The following TTN variants were observed in gnomAD, a reference collection of about 807,000 sequenced individuals.
The protein encoded by TTN is titin, also known as connectin.
In TTN, 1,525 loss-of-function variants were observed where a neutral mutation model predicts 3,223.0. The observed-to-expected ratio is 0.47, with a 90% CI of 0.45 to 0.49. The LOEUF (loss-of-function observed/expected upper bound fraction) is 0.49, where lower values mean the gene tolerates loss of function less well. Among genes scored for constraint, TTN ranks in the 20% least tolerant of loss-of-function variants. The pLI is 0.00. For missense variants in TTN, 40,786 were observed against 43,424.0 expected (o/e 0.94, Z 5.40); for synonymous variants, 14,094 against 15,161.0 (o/e 0.93, Z 5.17).
chr2:178,701,336 A>C (rs2074945418), intron 110 of TTN, 133 bp from the exon 111 acceptor site: 1 of 1,031,150 alleles, frequency 9.7e-7, no homozygotes. Context: ...GAACAAATAA[A>C]AGTAGCATTT....
chr2:178,764,422 A>G (rs2089989558), intron 42 of TTN, 105 bp downstream of exon 42: 4 of 1,609,522 alleles, frequency 2.5e-6, no homozygotes, highest in Non-Finnish European at 2.5e-6. Context: ...TTGGGTAGCA[A>G]TCTACTTTTA....
At chr2:178,536,887 G>T in intron 356 of TTN, 51 bp downstream of exon 356, 1 of 1,453,274 alleles carries the variant, frequency 6.9e-7, no homozygotes, top group Non-Finnish European at 9.2e-7. Context: ...AGAATTTTAT[G>T]CAAAGATGGA....
chr2:178,774,012 C>T lies in TTN; in HGVS notation c.7156G>A (p.Gly2386Ser), dbSNP rs777101912. 1.2e-5 allele frequency: 20 copies of T among 1,613,970 alleles called. No homozygotes were observed. The East Asian group carries it at 4.2e-4, about 34-fold the overall frequency. Reference sequence around the variant, plus strand: ...TCTTGGCCGTCTTTCATCCAGACGCCTTCCACACTTTCCAAGGAGACTTTA... The same window carrying T: ...TCTTGGCCGTCTTTCATCCAGACGCTTTCCACACTTTCCAAGGAGACTTTA... Reference protein sequence around the residue: ...EVKVSLESVEGVWMKDGQEVQ... With the variant: ...EVKVSLESVESVWMKDGQEVQ... Residue 2386 changes from glycine (G) to serine (S), a missense_variant, in exon 31 of 363, where the codon GGC (glycine) becomes AGC (serine). By Grantham distance (56) the Gly-to-Ser change is moderately conservative. Transcript: ENST00000589042.
chr2:178,598,066 GA>G lies in TTN; in HGVS notation c.57112-9del. 6.2e-7 allele frequency: 1 copy of G among 1,608,996 alleles called. No individual in the cohort carries two copies. The highest frequency in any genetic ancestry group is 1.3e-5 in the African/African-American group (1 of 74,694). The stretch of plus-strand genomic sequence containing the variant: ...CACTTCTTTATCTTTACCCTGGGGA[GA>G]AATCATAGACATTTTATAATTAGAA... On this transcript the variant is annotated splice_polypyrimidine_tract_variant and intron_variant, in intron 292 of 362. Transcript: ENST00000589042.
At chr2:178,785,158 AC>A (rs1450720797) in intron 15 of TTN, among the ~76,000 whole-genome samples, 1 of 152,096 alleles carries the variant, frequency 6.6e-6, no homozygotes, top group Admixed American at 6.5e-5. Context: ...ACCATACAGT[AC>A]CACCTCTCCA....
At chr2:178,652,075 T>C (rs751896183) in intron 204 of TTN, 21 bp downstream of exon 204, 2 of 1,613,148 alleles carry the variant, frequency 1.2e-6, no homozygotes, top group East Asian at 2.2e-5. Context: ...AAAACACTAA[T>C]TTGAATAGTT....
chr2:178,745,767 C>A (rs1470537317), intron 47 of TTN: 1 of 1,612,902 alleles, frequency 6.2e-7, no homozygotes, highest in East Asian at 2.2e-5. Context: ...TACCAGTAAA[C>A]CGTGGGTCTT....
chr2:178,564,569 G>A lies in TTN; in HGVS notation c.81563C>T (p.Thr27188Ile). The change falls in exon 326 of 363, where the codon ACA (threonine) becomes ATA (isoleucine). Residue 27188 changes from threonine to isoleucine, a missense_variant. Transcript: ENST00000589042. ...EAIVITRNNV[T>I]LKWKKPAYDG... is the part of the protein sequence containing the mutation. ...ATAGGCAGGTTTCTTCCATTTCAGT[G>A]TGACATTGTTTCTTGTAATAACAAT... 1.2e-6 allele frequency: 2 copies of A among 1,613,398 alleles called. No individual in the cohort carries two copies. Among genetic ancestry groups the A allele is most frequent in the Non-Finnish European group, 1.7e-6 (2 of 1,179,672 alleles).
rs548285460 is a variant in TTN at position 178,619,747 on chromosome 2, T to C, written c.46570A>G (p.Lys15524Glu). The C allele has an allele frequency of 6.2e-7, 1 of 1,612,486 alleles. No individual in the cohort carries two copies. The highest frequency in any genetic ancestry group is 1.3e-5 in the African/African-American group (1 of 74,908). The change falls in exon 250 of 363, where the codon AAA becomes GAA. Residue 15524 changes from lysine (K) to glutamate (E), a missense_variant. Lys to Glu is a moderately conservative substitution (Grantham distance 56, BLOSUM62 1). Transcript: ENST00000589042. ...TTTCCTTCACTCATCATCTGGTGTTTATCACCCTGGACAACAACCATGTTA... is the reference window on the plus strand; with the variant it reads ...TTTCCTTCACTCATCATCTGGTGTTCATCACCCTGGACAACAACCATGTTA... ...RNNMVVVQGD[K>E]HQMMSEGKIH...
intron 49 of TTN, 110 bp from the exon 50 acceptor site, chr2:178,736,184 G>A (rs1472751756): frequency 1.2e-5 from 12 of 983,280 alleles, no homozygotes; most frequent in Admixed American, 1.2e-4. Context: ...ATAGACATGA[G>A]CCATAATTTA....
intron 304 of TTN, 151 bp downstream of exon 304, chr2:178,588,387 G>A: frequency 8.7e-7 from 1 of 1,146,714 alleles, no homozygotes; most frequent in South Asian, 2.0e-5. Context: ...GTACCTTTTA[G>A]GTATTTTGGT....
In TTN at chr2:178,587,516, C is replaced by T. The variant is rs794729474; in HGVS notation, c.63793G>A (p.Asp21265Asn). Reference sequence around the variant, plus strand: ...AGGGAGAAGCATTTTAGTAACCCACCTAATACTCTGACATTTACGAATACA... The same window carrying T: ...AGGGAGAAGCATTTTAGTAACCCACTTAATACTCTGACATTTACGAATACA... ...KAVFVNVRVL[D>N]TPGPVSDLKV... is the part of the protein sequence containing the mutation. Residue 21265 changes from aspartate (D) to asparagine (N), a missense_variant and splice_region_variant, in exon 306 of 363, where the codon GAC (aspartate) becomes AAC (asparagine). Physicochemically the swap from Asp to Asn is conservative, Grantham distance 23. Transcript: ENST00000589042. The T allele has an allele frequency of 7.0e-5, 112 of 1,608,926 alleles. No individual in the cohort carries two copies. The highest frequency in any genetic ancestry group is 9.3e-5 in the Non-Finnish European group (110 of 1,177,382).
intron 49 of TTN, among the ~76,000 whole-genome samples, chr2:178,736,927 G>A (rs544325220): frequency 3.3e-4 from 50 of 152,220 alleles, no homozygotes; most frequent in African/African-American, 1.2e-3. Flanking sequence ...TCACATTCAA[G>A]AGATGTGCTG....
At chr2:178,651,122 T>G in intron 208 of TTN, 121 bp downstream of exon 208, 1 of 807,794 alleles carries the variant, frequency 1.2e-6, no homozygotes, top group Non-Finnish European at 2.0e-6. Context: ...ACCCTAAAAA[T>G]CCAGAATGAC....
At chr2:178,671,295 C>A in intron 155 of TTN, 125 bp from the exon 156 acceptor site, 1 of 606,226 alleles carries the variant, frequency 1.6e-6, no homozygotes, top group South Asian at 2.8e-5. Flanking sequence ...TTATAACACA[C>A]TTATTTCCAA....
rs2060144688 is a variant in TTN, at chr2:178,634,238, G to C, written c.42415+128C>G. On this transcript the variant is annotated intron_variant, in intron 230 of 362. Coordinates refer to ENST00000589042, the MANE Select transcript of TTN (RefSeq NM_001267550.2). The surrounding 1 kb of genome is among the most constrained non-coding windows in gnomAD (Gnocchi z 4.6). ...CACTAAAAACAAATTAAGGGGGGTT[G>C]TTTTGGTAACACTGTGAAAGTTAAT... The C allele has an allele frequency of 6.7e-7, 1 of 1,482,290 alleles. No homozygotes were observed. The highest frequency in any genetic ancestry group is 1.4e-5 in the African/African-American group (1 of 70,376). The allele number at this position is 1,482,290 out of a possible 1,614,324, so 91.8% of individuals were successfully genotyped here. A position where few individuals can be genotyped will look rare whatever the true frequency, so the allele number is the denominator to read the frequency against.
chr2:178,618,417 G>T lies in TTN; in HGVS notation c.47041C>A (p.Pro15681Thr). The stretch of plus-strand genomic sequence containing the variant: ...ATTTTGCTTCCACCATCAGTTAAAG[G>T]TTCTTCCCAAGCAAGGCTCACTTCA... ...DGEVSLAWEE[P>T]LTDGGSKIIG... The change falls in exon 252 of 363, where the codon CCT becomes ACT. Residue 15681 changes from proline (P) to threonine (T), a missense_variant. Pro to Thr is a conservative substitution (Grantham distance 38). Coordinates refer to ENST00000589042, the MANE Select transcript of TTN (RefSeq NM_001267550.2). 1 of 1,612,454 alleles carries T rather than the reference G, an allele frequency of 6.2e-7. No individual in the cohort carries two copies. Among genetic ancestry groups the T allele is most frequent in the Non-Finnish European group, 8.5e-7 (1 of 1,179,128 alleles).
Position 178,704,131 on chromosome 2 carries a change from A to G in TTN, c.30223+16T>C. 1.2e-6 allele frequency: 2 copies of G among 1,612,472 alleles called. No homozygotes were observed. Among genetic ancestry groups the G allele is most frequent in the Non-Finnish European group, 8.5e-7 (1 of 1,179,518 alleles). Reference sequence around the variant, plus strand: ...CCTATGCTGTACCCACAAGGACTCCATAGTGTTTCACGCACCTTCGATTCT... The same window carrying G: ...CCTATGCTGTACCCACAAGGACTCCGTAGTGTTTCACGCACCTTCGATTCT... On this transcript the variant is annotated intron_variant, in intron 106 of 362. Coordinates refer to ENST00000589042, the MANE Select transcript of TTN (RefSeq NM_001267550.2).
chr2:178,685,178 C>G (rs1319350196), intron 129 of TTN, 75 bp downstream of exon 129: 15 of 1,304,610 alleles, frequency 1.1e-5, no homozygotes, highest in South Asian at 1.4e-5. Flanking sequence ...ATGCATAAGA[C>G]AGTTATGCAA....
Sources: allele counts gnomAD v4.1 joint callset (sites outside exome capture counted in the v4.1 genomes callset), GRCh38; gene constraint gnomAD v4.1.1; non-coding constraint Gnocchi (gnomAD v3.1); transcripts MANE v1.5; gene names NCBI Gene and HGNC (gene_info 2026-07-23, HGNC 2026-07-21).